CPA4: variants seen among roughly 807,000 people sequenced by gnomAD.
The protein encoded by CPA4 is carboxypeptidase A4, also known as carboxypeptidase A3.
A neutral mutation model predicts 54.7 loss-of-function variants in CPA4; 49 were observed. That is an observed-to-expected ratio of 0.90 (90% confidence interval 0.71 to 1.14). CPA4 has a LOEUF of 1.14. Among genes scored for constraint, CPA4 ranks in the 50% most tolerant of loss-of-function variants. The pLI is 0.00. For synonymous variants in CPA4, 215 were observed against 206.8 expected (o/e 1.04, Z -0.34); for missense variants, 487 against 525.1 (o/e 0.93, Z 0.71).
intron 2 of CPA4, 141 bp from the exon 3 acceptor site, chr7:130,299,129 G>A (rs762554905): frequency 2.3e-6 from 2 of 886,914 alleles, no homozygotes; most frequent in Non-Finnish European, 3.7e-6. Context: ...ACACAATTGT[G>A]AAATGGGCAA....
intron 10 of CPA4, among the ~76,000 whole-genome samples, chr7:130,313,673 C>T (rs552056138): frequency 3.3e-5 from 5 of 152,240 alleles, no homozygotes; most frequent in Non-Finnish European, 5.9e-5. Flanking sequence ...AAAGGAATGA[C>T]GTGGATGGCC....
At chr7:130,312,330 T>C (rs1562931724) in intron 10 of CPA4, among the ~76,000 whole-genome samples, 2 of 152,176 alleles carry the variant, frequency 1.3e-5, no homozygotes, top group African/African-American at 4.8e-5. Flanking sequence ...CTCATGCCCA[T>C]CCCTTCATTT....
intron 3 of CPA4, 101 bp downstream of exon 3, chr7:130,299,505 T>C: frequency 9.1e-7 from 1 of 1,097,340 alleles, no homozygotes; most frequent in Non-Finnish European, 1.3e-6. Flanking sequence ...TATCCTTTTC[T>C]ATTTTATAGA....
chr7:130,301,838 G>T (rs894884435), intron 4 of CPA4, among the ~76,000 whole-genome samples: 1 of 152,140 alleles, frequency 6.6e-6, no homozygotes, highest in African/African-American at 2.4e-5. Context: ...ACATACATCT[G>T]CAAAACAGCT....
chr7:130,308,138 C>T (rs549803999), intron 7 of CPA4, 169 bp from the exon 8 acceptor site: 2 of 629,060 alleles, frequency 3.2e-6, no homozygotes, highest in African/African-American at 3.7e-5. Flanking sequence ...GGAAATACTC[C>T]TCTCTCTGCA....
chr7:130,305,878 A>G lies in CPA4; in HGVS notation c.549A>G (p.Arg183=). 5 of 1,614,088 alleles carry G rather than the reference A, an allele frequency of 3.1e-6. No individual in the cohort carries two copies. The Middle Eastern group carries it at 6.6e-4, about 213-fold the overall frequency. The part of the protein sequence containing the change: ...AVWLNAGIHS[R]EWISQATAIW... ...GGCTGAATGCAGGCATCCATTCCCG[A>G]GAGTGGATCTCCCAGGCCACTGCAA... Residue 183 remains arginine, a synonymous_variant, in exon 6 of 11, where the codon CGA becomes CGG. Coordinates refer to ENST00000222482, the MANE Select transcript of CPA4 (RefSeq NM_016352.4).
intron 5 of CPA4, 85 bp downstream of exon 5, chr7:130,304,664 A>G: frequency 1.2e-6 from 1 of 853,224 alleles, no homozygotes; most frequent in Non-Finnish European, 2.0e-6. Context: ...TAGCTTTTTG[A>G]ACTCCTTGAC....
At chr7:130,307,609 G>T (rs545256739) in intron 7 of CPA4, among the ~76,000 whole-genome samples, 92 of 136,804 alleles carry the variant, frequency 6.7e-4, no homozygotes, top group African/African-American at 2.4e-3. Flanking sequence ...CAGCCTGGGC[G>T]ACAGGGCAAG....
rs1375338796 is a variant in CPA4 at position 130,322,516 on chromosome 7, G to A, written c.1106G>A (p.Trp369Ter). 1.9e-6 allele frequency: 3 copies of A among 1,613,916 alleles called. No homozygotes were observed. In the East Asian group the frequency reaches 6.7e-5, roughly 36 times the overall value. The change falls in exon 11 of 11, where the codon TGG (tryptophan) becomes TAG (stop). Residue 369 changes from tryptophan to a stop codon, truncating the protein, a stop_gained. Coordinates refer to ENST00000222482, the MANE Select transcript of CPA4 (RefSeq NM_016352.4). LOFTEE classifies it high-confidence loss of function. ...VYPASGSSIDWAYDNGIKFAF... is the reference protein window; with the variant it reads ...VYPASGSSID ...CCAGCTAGCGGGAGCAGCATCGACT[G>A]GGCATATGACAACGGCATCAAATTT...
intron 8 of CPA4, among the ~76,000 whole-genome samples, chr7:130,309,932 A>G (rs1316679409): frequency 1.3e-5 from 2 of 152,016 alleles, no homozygotes; most frequent in Non-Finnish European, 2.9e-5. Flanking sequence ...TGCCGAGCTA[A>G]GTTTTGTATT....
chr7:130,310,447 C>A lies in CPA4; in HGVS notation c.794-340C>A, dbSNP rs902099232. 1.6e-4 allele frequency among the ~76,000 whole-genome samples: 25 copies of A among 152,316 alleles called. No homozygotes were observed. The highest frequency in any genetic ancestry group is 1.6e-3 in the Admixed American group (25 of 15,296). On this transcript the variant is annotated intron_variant, in intron 8 of 10. Transcript: ENST00000222482. This position sits in a 1 kb window ranked among gnomAD's most constrained non-coding sequence, Gnocchi z 4.3. ...AAGTTGACACCAGAATAAATGGAGT[C>A]ATTTTCATTATTTATTGGTATTCAT...
chr7:130,304,656 G>A (rs58485006), intron 5 of CPA4, 77 bp downstream of exon 5: 2 of 901,076 alleles, frequency 2.2e-6, no homozygotes, highest in African/African-American at 3.3e-5. Flanking sequence ...GAAAAGGGTA[G>A]CTTTTTGAAC....
Position 130,298,789 on chromosome 7 carries a change from A to T in CPA4, c.112A>T (p.Ser38Cys). Residue 38 changes from serine to cysteine, a missense_variant, in exon 2 of 11, where the codon AGC becomes TGC. Transcript: ENST00000222482. ...TAATGTCAGAAATGGAGACGAGATC[A>T]GCAAATTGAGTCAACTAGTGAATTC... Reference protein sequence around the residue: ...RINVRNGDEISKLSQLVNSNN... With the variant: ...RINVRNGDEICKLSQLVNSNN... 6 of 1,612,576 alleles carry T rather than the reference A, an allele frequency of 3.7e-6. No individual in the cohort carries two copies. The highest frequency in any genetic ancestry group is 4.2e-6 in the Non-Finnish European group (5 of 1,178,532).
chr7:130,312,399 C>T (rs1793928917), intron 10 of CPA4, among the ~76,000 whole-genome samples: 1 of 152,156 alleles, frequency 6.6e-6, no homozygotes. Context: ...TTGGGGGAGA[C>T]TCCCTCATCT....
chr7:130,314,692 G>C (rs1004781716), intron 10 of CPA4, among the ~76,000 whole-genome samples: 2 of 152,180 alleles, frequency 1.3e-5, no homozygotes, highest in African/African-American at 4.8e-5. Flanking sequence ...AAGAAAAAGA[G>C]AAAACAGTTA....
chr7:130,293,174 C>G lies in CPA4; in HGVS notation c.-7C>G. ...CTCAGCCACTGTATGACTGACTCCC[C>G]GGGGACATGAGGTGGATACTGTTCA... On this transcript the variant is annotated 5_prime_UTR_variant, in exon 1 of 11. Transcript: ENST00000222482. The G allele has an allele frequency of 2.5e-6, 4 of 1,600,858 alleles. No homozygotes were observed. Among genetic ancestry groups the G allele is most frequent in the Non-Finnish European group, 3.4e-6 (4 of 1,167,984 alleles).
chr7:130,304,004 C>A (rs1396914722), intron 4 of CPA4, among the ~76,000 whole-genome samples: 1 of 151,924 alleles, frequency 6.6e-6, no homozygotes, highest in Non-Finnish European at 1.5e-5. Context: ...TTCCTTCCCT[C>A]TTCCATATTT....
At chr7:130,320,583 G>A (rs1441200062) in intron 10 of CPA4, among the ~76,000 whole-genome samples, 2 of 152,138 alleles carry the variant, frequency 1.3e-5, no homozygotes, top group Non-Finnish European at 2.9e-5. Flanking sequence ...CAGGAACCAT[G>A]GAAAAGCCAA....
rs536263698 is a variant in CPA4, at chr7:130,308,830, C to T, written c.793+433C>T. Among the ~76,000 whole-genome samples, 10 of 147,858 alleles carry T rather than the reference C, an allele frequency of 6.8e-5. No individual in the cohort carries two copies. The South Asian group carries it at 1.1e-3, about 16-fold the overall frequency. On this transcript the variant is annotated intron_variant, in intron 8 of 10. Transcript: ENST00000222482. ...CCTTCCAAAGTGCTGGGAGTATAGC[C>T]GTAAGCCACCTAGCCCAGCCTTTTT...
Sources: allele counts gnomAD v4.1 joint callset (sites outside exome capture counted in the v4.1 genomes callset), GRCh38; gene constraint gnomAD v4.1.1; non-coding constraint Gnocchi (gnomAD v3.1); transcripts MANE v1.5; gene names NCBI Gene and HGNC (gene_info 2026-07-23, HGNC 2026-07-21).